Variants in REG1B observed in about 807,000 individuals in gnomAD.
REG1B encodes regenerating family member 1 beta, also known as lithostathine-1-beta.
REG1B carries 21 observed loss-of-function variants against 20.4 expected under a neutral mutation model. The observed-to-expected ratio is 1.03, with a 90% CI of 0.73 to 1.48. REG1B has a LOEUF of 1.48. REG1B is among the 40% of genes most tolerant of loss of function. The probability of loss-of-function intolerance (pLI) is 0.00; values close to 1 mark genes in which losing one functional copy is unlikely to be tolerated. For missense variants in REG1B, 247 were observed against 197.2 expected (o/e 1.25, Z -1.51); for synonymous variants, 82 against 73.4 (o/e 1.12, Z -0.60).
intron 2 of REG1B, 157 bp downstream of exon 2, chr2:79,087,392 G>C: frequency 1.5e-6 from 1 of 680,698 alleles, no homozygotes; most frequent in Non-Finnish European, 2.5e-6. Flanking sequence ...ATGAGGTGAG[G>C]GTGTTTTTGA....
chr2:79,086,569 C>A, intron 3 of REG1B, 65 bp from the exon 4 acceptor site: 13 of 1,583,970 alleles, frequency 8.2e-6, no homozygotes, highest in Non-Finnish European at 1.0e-5. Context: ...CTGAGACCTT[C>A]CAGAGGATGT....
rs1377433871 is a variant in REG1B at position 79,087,531 on chromosome 2, T to G, written c.64+18A>C. 3.1e-6 allele frequency: 5 copies of G among 1,612,948 alleles called. No individual in the cohort carries two copies. The highest frequency in any genetic ancestry group is 4.2e-6 in the Non-Finnish European group (5 of 1,179,458). On this transcript the variant is annotated intron_variant, in intron 2 of 5. Coordinates refer to ENST00000305089, the MANE Select transcript of REG1B (RefSeq NM_006507.4). ...AATTCAGAGTTGGGGTTGTGGGAAG[T>G]GTGGGGGAAAATCTCACCTTGGCTC... is the stretch of plus-strand genomic sequence containing the variant.
Position 79,087,553 on chromosome 2 carries a change from G to C in REG1B, c.60C>G (p.Ser20Arg). Residue 20 changes from serine to arginine, a missense_variant, in exon 2 of 6, where the codon AGC (serine) becomes AGG (arginine). Coordinates refer to ENST00000305089, the MANE Select transcript of REG1B (RefSeq NM_006507.4). ...AAGTGTGGGGGAAAATCTCACCTTG[G>C]CTCAGAGACAGGAACATCAGGGAGG... The part of the protein sequence containing the change: ...LISSLMFLSL[S>R]QGQESQTELP... 1 of 1,613,692 alleles carries C rather than the reference G, an allele frequency of 6.2e-7. No individual in the cohort carries two copies. The highest frequency in any genetic ancestry group is 8.5e-7 in the Non-Finnish European group (1 of 1,179,844).
chr2:79,086,986 T>A, intron 2 of REG1B, 56 bp from the exon 3 acceptor site: 1 of 1,449,402 alleles, frequency 6.9e-7, no homozygotes, highest in Non-Finnish European at 9.7e-7. Context: ...AGGAAAAGGC[T>A]GGAAGGTGAA....
rs7586984 is a variant in REG1B, at chr2:79,085,599, C to T, written c.326G>A (p.Arg109His). 7.3e-4 allele frequency: 1,178 copies of T among 1,610,330 alleles called. 3 individuals carry two copies. In the African/African-American group the frequency reaches 0.012, roughly 17 times the overall value. Residue 109 changes from arginine to histidine, a missense_variant, in exon 5 of 6, where the codon CGC (arginine) becomes CAC (histidine). Arg to His is a conservative substitution (Grantham distance 29). Coordinates refer to ENST00000305089, the MANE Select transcript of REG1B (RefSeq NM_006507.4). ...WIGLHDPKKN[R>H]RWHWSSGSLV... ...GGACCCACTACTCCAGTGCCAGCGG[C>T]GGTTCTAGATGGAGAAGGGCCAGAA... is the stretch of plus-strand genomic sequence containing the variant.
chr2:79,087,043 A>G (rs2104018484), intron 2 of REG1B, 113 bp from the exon 3 acceptor site: 1 of 825,054 alleles, frequency 1.2e-6, no homozygotes, highest in Middle Eastern at 3.5e-4. Context: ...GATACAGTGA[A>G]TACTGGGGCG....
At position 79,086,430 on chromosome 2, in the gene REG1B, T is replaced by C; in HGVS notation, c.258A>G (p.Ser86=). ...CATCAGTGCTACTCTCCTTAATCAG[T>C]GAGGCCACGAAGGCACCCTCCGCCT... is the stretch of plus-strand genomic sequence containing the variant. ...LTQAEGAFVA[S]LIKESSTDDS... The change falls in exon 4 of 6, where the codon TCA becomes TCG. Residue 86 remains serine, a synonymous_variant. Coordinates refer to ENST00000305089, the MANE Select transcript of REG1B (RefSeq NM_006507.4). The C allele has an allele frequency of 6.2e-7, 1 of 1,614,076 alleles. No individual in the cohort carries two copies. The highest frequency in any genetic ancestry group is 8.5e-7 in the Non-Finnish European group (1 of 1,179,994).
Position 79,085,311 on chromosome 2 carries a change from T to C in REG1B, c.434-28A>G, listed in dbSNP as rs772916366. 5.1e-6 allele frequency: 8 copies of C among 1,557,958 alleles called. No homozygotes were observed. In the South Asian group the frequency reaches 8.9e-5, roughly 17 times the overall value. On this transcript the variant is annotated intron_variant, in intron 5 of 5. Coordinates refer to ENST00000305089, the MANE Select transcript of REG1B (RefSeq NM_006507.4). ...ATGGTACAATGAGAAGTGTCAGACA[T>C]AGAGGATCAGAAGGAGTGTAGCCCC... is the stretch of plus-strand genomic sequence containing the variant.
At chr2:79,087,222 C>T (rs775093011) in intron 2 of REG1B, 4 of 529,464 alleles carry the variant, frequency 7.6e-6, no homozygotes, top group Non-Finnish European at 1.3e-5. Context: ...TCTCAAGTTT[C>T]TCTCGGTTTC....
intron 3 of REG1B, 70 bp from the exon 4 acceptor site, chr2:79,086,574 G>A (rs1455145965): frequency 7.0e-6 from 11 of 1,572,976 alleles, no homozygotes; most frequent in African/African-American, 2.7e-5. Flanking sequence ...ACCTTCCAGA[G>A]GATGTAACAG....
intron 4 of REG1B, 123 bp downstream of exon 4, chr2:79,086,244 A>C: frequency 1.0e-6 from 1 of 984,926 alleles, no homozygotes; most frequent in Non-Finnish European, 1.5e-6. Context: ...AGGATCTATA[A>C]AGAGGTTGCT....
In REG1B at chr2:79,085,542, G is replaced by A. The variant is rs534911034; in HGVS notation, c.383C>T (p.Ser128Phe). The change falls in exon 5 of 6, where the codon TCC (serine) becomes TTC (phenylalanine). Residue 128 changes from serine (S) to phenylalanine (F), a missense_variant. Coordinates refer to ENST00000305089, the MANE Select transcript of REG1B (RefSeq NM_006507.4). ...GTAGCCAGCATTAGCACTGCTCGGG[G>A]ATCCAGTGTCCCAGGACTTGTAGGA... ...LVSYKSWDTG[S>F]PSSANAGYCA... 3.5e-5 allele frequency: 56 copies of A among 1,613,838 alleles called. No homozygotes were observed. In the South Asian group the frequency reaches 5.6e-4, roughly 16 times the overall value.
chr2:79,085,076 A>T lies in REG1B; in HGVS notation c.*140T>A. 1.5e-6 allele frequency: 1 copy of T among 662,060 alleles called. No homozygotes were observed. Among genetic ancestry groups the T allele is most frequent in the South Asian group, 1.8e-5 (1 of 54,696 alleles). 41.0% of individuals were successfully genotyped at this position (662,060 alleles called of 1,614,324 possible). On this transcript the variant is annotated 3_prime_UTR_variant, in exon 6 of 6. Transcript: ENST00000305089. ...TTTTCAGGGCTCTAGAGACTGAGAC[A>T]GGTGAAGGTACTGAAGATCAGCGAT...
chr2:79,087,059 T>C, intron 2 of REG1B, 129 bp from the exon 3 acceptor site: 2 of 742,188 alleles, frequency 2.7e-6, no homozygotes, highest in Non-Finnish European at 4.6e-6. Context: ...GGGCGATTGC[T>C]CACTTCTGCC....
chr2:79,086,682 G>A (rs2104017874), intron 3 of REG1B, 130 bp downstream of exon 3: 1 of 1,310,382 alleles, frequency 7.6e-7, no homozygotes, highest in South Asian at 1.2e-5. Context: ...AGTAGATTGG[G>A]AAGTTTGGGA....
chr2:79,085,670 G>A, intron 4 of REG1B, 67 bp from the exon 5 acceptor site: 1 of 1,006,640 alleles, frequency 9.9e-7, no homozygotes, highest in Non-Finnish European at 1.5e-6. Flanking sequence ...CCAGGCCTGT[G>A]TGCACACTCA....
At chr2:79,086,789 C>A in intron 3 of REG1B, 23 bp downstream of exon 3, 5 of 1,602,272 alleles carry the variant, frequency 3.1e-6, no homozygotes, top group Non-Finnish European at 4.3e-6. Context: ...AGCCTCCCTT[C>A]CCCTGCTGCT....
intron 3 of REG1B, 96 bp downstream of exon 3, chr2:79,086,716 T>G (rs779016386): frequency 7.4e-7 from 1 of 1,348,510 alleles, no homozygotes; most frequent in East Asian, 2.3e-5. Context: ...AGGGAAGGGA[T>G]CAATCTTATC....
Position 79,085,195 on chromosome 2 carries a change from ACAT to A in REG1B, c.*18_*20del. The A allele has an allele frequency of 6.3e-7, 1 of 1,584,062 alleles. No homozygotes were observed. The highest frequency in any genetic ancestry group is 1.1e-5 in the South Asian group (1 of 90,502). On this transcript the variant is annotated 3_prime_UTR_variant, in exon 6 of 6. Transcript: ENST00000305089. ...ATAGTAATTGCAGGACCAGTTCTAG[ACAT>A]CCATTTTTCAGCTTCCTCTAGTTTT...
Sources: allele counts gnomAD v4.1 joint callset, GRCh38; gene constraint gnomAD v4.1.1; transcripts MANE v1.5; gene names NCBI Gene and HGNC (gene_info 2026-07-23, HGNC 2026-07-21).